Variants in POU2F1 observed in about 807,000 individuals in gnomAD.
POU2F1 encodes POU class 2 homeobox 1.
POU2F1 carries 16 observed loss-of-function variants against 84.9 expected under a neutral mutation model. The observed-to-expected ratio is 0.19, with a 90% CI of 0.13 to 0.29. The LOEUF is 0.29. Among genes scored for constraint, POU2F1 ranks in the 10% least tolerant of loss-of-function variants. POU2F1 has a pLI of 1.00. For synonymous variants in POU2F1, 368 were observed against 368.3 expected, an observed-to-expected ratio of 1.00 and a Z score of 0.01; for missense variants, 738 against 942.6, an observed-to-expected ratio of 0.78 and a Z score of 2.84.
At chr1:167,362,247 G>A (rs1414214486) in intron 2 of POU2F1, among the ~76,000 whole-genome samples, 2 of 152,160 alleles carry the variant, frequency 1.3e-5, no homozygotes, top group African/African-American at 4.8e-5. Flanking sequence ...ACCTACCTTA[G>A]CACCTTAAAT....
intron 1 of POU2F1, among the ~76,000 whole-genome samples, chr1:167,314,199 GAAAAA>G (rs886749021): frequency 1.4e-5 from 1 of 71,646 alleles, no homozygotes; most frequent in African/African-American, 6.0e-5. Flanking sequence ...CTCTGTCTCA[GAAAAA>G]AAAAAAAAAC....
intron 1 of POU2F1, among the ~76,000 whole-genome samples, chr1:167,247,044 G>A (rs1007308989): frequency 9.3e-5 from 3 of 32,428 alleles, no homozygotes; most frequent in Middle Eastern, 0.014. Flanking sequence ...ATATATGTGT[G>A]TGTGTGTGTG....
chr1:167,317,625 T>C (rs1656000724), intron 1 of POU2F1, among the ~76,000 whole-genome samples: 1 of 152,212 alleles, frequency 6.6e-6, no homozygotes, highest in African/African-American at 2.4e-5. Flanking sequence ...AACATGTCCT[T>C]AAGGCACAGA....
chr1:167,399,700 G>A (rs1031803478), intron 12 of POU2F1, among the ~76,000 whole-genome samples: 1 of 152,128 alleles, frequency 6.6e-6, no homozygotes, highest in East Asian at 1.9e-4. Context: ...TTGAGACAGA[G>A]TCTCATTCCA....
intron 1 of POU2F1, among the ~76,000 whole-genome samples, chr1:167,236,234 C>G (rs192665765): frequency 8.5e-4 from 129 of 151,908 alleles, no homozygotes; most frequent in African/African-American, 3.0e-3. Flanking sequence ...TCCTGAGGAG[C>G]TGGGATTACA....
At chr1:167,367,445 T>C (rs1304392615) in intron 3 of POU2F1, among the ~76,000 whole-genome samples, 1 of 152,194 alleles carries the variant, frequency 6.6e-6, no homozygotes, top group Non-Finnish European at 1.5e-5. Flanking sequence ...TGGTCAAGTA[T>C]GAGACTACTG....
intron 9 of POU2F1, among the ~76,000 whole-genome samples, chr1:167,391,791 C>T (rs1292089269): frequency 1.3e-5 from 2 of 151,244 alleles, no homozygotes; most frequent in South Asian, 4.2e-4. Context: ...CTCCTGGGCT[C>T]AACCAAATCC....
chr1:167,399,398 G>T, intron 12 of POU2F1, 33 bp downstream of exon 12: 1 of 1,548,968 alleles, frequency 6.5e-7, no homozygotes. Flanking sequence ...GCAAGCTCAA[G>T]GGCTAATTTT....
At chr1:167,334,871 C>T (rs1006874436) in intron 2 of POU2F1, among the ~76,000 whole-genome samples, 13 of 152,062 alleles carry the variant, frequency 8.5e-5, no homozygotes, top group African/African-American at 2.2e-4. Context: ...AGGGGAAGAA[C>T]GCTTAACATT....
chr1:167,285,976 T>G (rs1653501509), intron 1 of POU2F1, among the ~76,000 whole-genome samples: 1 of 152,114 alleles, frequency 6.6e-6, no homozygotes, highest in African/African-American at 2.4e-5. Flanking sequence ...AAATCATTAA[T>G]AAATGAGTAA....
chr1:167,253,430 ATGGGTTTTT>A (rs1357853617), intron 1 of POU2F1, among the ~76,000 whole-genome samples: 3 of 141,112 alleles, frequency 2.1e-5, no homozygotes, highest in Non-Finnish European at 4.5e-5. Context: ...TAATTGGTTA[ATGGGTTTTT>A]TGGGTTTTTT....
At chr1:167,236,344 A>G (rs1571137103) in intron 1 of POU2F1, among the ~76,000 whole-genome samples, 1 of 151,508 alleles carries the variant, frequency 6.6e-6, no homozygotes, top group Non-Finnish European at 1.5e-5. Context: ...CTCATGATCC[A>G]CCTGCCTTGG....
At chr1:167,390,789 CTAAAAAG>C (rs530260155) in intron 9 of POU2F1, among the ~76,000 whole-genome samples, 1,840 of 152,094 alleles carry the variant, frequency 0.012, 15 homozygotes, top group South Asian at 0.026. Context: ...GACACTGTCT[CTAAAAAG>C]TAAAAATTAA....
intron 1 of POU2F1, among the ~76,000 whole-genome samples, chr1:167,224,854 A>C (rs1333625209): frequency 7.3e-6 from 1 of 136,984 alleles, no homozygotes; most frequent in African/African-American, 2.8e-5. Flanking sequence ...TTCCAGACAG[A>C]GTCTTGCTCT....
Position 167,415,724 on chromosome 1 carries a change from G to A in POU2F1, c.2215G>A (p.Ala739Thr), listed in dbSNP as rs1172659778. 6.8e-6 allele frequency: 11 copies of A among 1,613,952 alleles called. No individual in the cohort carries two copies. The highest frequency in any genetic ancestry group is 9.3e-6 in the Non-Finnish European group (11 of 1,180,004). ...VASLHATSTS[A>T]ESIQNSLFTV... ...CAGCCTTCACGCCACCTCCACCTCT[G>A]CTGAGTCCATCCAGAACTCTCTCTT... Residue 739 changes from alanine to threonine, a missense_variant, in exon 16 of 16, where the codon GCT becomes ACT. Ala to Thr is a moderately conservative substitution (Grantham distance 58). Coordinates refer to ENST00000367866, the MANE Select transcript of POU2F1 (RefSeq NM_002697.4).
chr1:167,381,882 T>C (rs1283777977), intron 7 of POU2F1, among the ~76,000 whole-genome samples: 1 of 152,070 alleles, frequency 6.6e-6, no homozygotes, highest in Non-Finnish European at 1.5e-5. Flanking sequence ...AGTGCTGGGA[T>C]TACACACATG....
rs551802020 is a variant in POU2F1 at position 167,315,521 on chromosome 1, A to G, written c.62-16949A>G. On this transcript the variant is annotated intron_variant, in intron 1 of 15. Transcript: ENST00000367866. ...CTGAGCATGGTGGCTCATGCCTGTA[A>G]TCCCGGCTACTTGGGAGACAGAAGT... 2.6e-5 allele frequency among the ~76,000 whole-genome samples: 4 copies of G among 152,334 alleles called. No individual in the cohort carries two copies. In the East Asian group the frequency reaches 7.7e-4, roughly 29 times the overall value.
chr1:167,269,211 G>T (rs775646610), intron 1 of POU2F1, among the ~76,000 whole-genome samples: 5 of 152,190 alleles, frequency 3.3e-5, no homozygotes, highest in Non-Finnish European at 5.9e-5. Context: ...AACTTAAAAT[G>T]TGAGAAATTA....
chr1:167,358,110 C>CT (rs1237030122), intron 2 of POU2F1, among the ~76,000 whole-genome samples: 1 of 138,036 alleles, frequency 7.2e-6, no homozygotes, highest in Non-Finnish European at 1.6e-5. Context: ...CCTAATTGAT[C>CT]TTTTTTCTTT....
Sources: gnomAD v4.1 joint callset for allele counts (sites outside exome capture counted in the v4.1 genomes callset) on GRCh38, gnomAD v4.1.1 for gene constraint, MANE v1.5 for transcripts, NCBI Gene and HGNC (gene_info 2026-07-23, HGNC 2026-07-21) for gene names.